The following ZSCAN5A variants were observed in gnomAD, a reference collection of about 807,000 sequenced individuals.
The protein encoded by ZSCAN5A is zinc finger and SCAN domain-containing protein 5A.
In ZSCAN5A, 12 loss-of-function variants were observed where a neutral mutation model predicts 23.7. That is an observed-to-expected ratio of 0.51 (90% CI 0.32 to 0.82). ZSCAN5A has a LOEUF of 0.82. ZSCAN5A is among the 40% of genes least tolerant of loss of function. The probability of loss-of-function intolerance (pLI) is 0.03; values close to 1 mark genes in which losing one functional copy is unlikely to be tolerated. For synonymous variants in ZSCAN5A, 257 were observed against 239.9 expected (o/e 1.07, Z -0.66); for missense variants, 597 against 617.9 (o/e 0.97, Z 0.36).
At chr19:56,265,053 C>T (rs1335845112) in intron 2 of ZSCAN5A, among the ~76,000 whole-genome samples, 9 of 151,908 alleles carry the variant, frequency 5.9e-5, no homozygotes, top group African/African-American at 9.7e-5. Flanking sequence ...ACCTGGGAGG[C>T]GGAGGTTGCA....
chr19:56,318,945 T>A (rs1354013050), upstream of ZSCAN5A, among the ~76,000 whole-genome samples: 2 of 152,160 alleles, frequency 1.3e-5, no homozygotes, highest in African/African-American at 4.8e-5. Context: ...TGGGGCTATT[T>A]AAAGGAGTAT....
chr19:56,265,490 G>A (rs1041168568), intron 2 of ZSCAN5A, among the ~76,000 whole-genome samples: 2 of 151,664 alleles, frequency 1.3e-5, no homozygotes, highest in Non-Finnish European at 2.9e-5. Flanking sequence ...GGAAGACTAT[G>A]TACAGAAGGA....
chr19:56,315,851 G>A (rs769472328), upstream of ZSCAN5A: 2 of 152,226 alleles, frequency 1.3e-5, no homozygotes, highest in African/African-American at 4.8e-5. Context: ...GGGAACCTCA[G>A]AGCAATGGCC....
intron 2 of ZSCAN5A, among the ~76,000 whole-genome samples, chr19:56,331,888 G>C (rs2041493291): frequency 6.6e-6 from 1 of 151,824 alleles, no homozygotes; most frequent in Non-Finnish European, 1.5e-5. Context: ...GCCCAGCCTA[G>C]TATTTCAAAG....
At chr19:56,319,434 T>A (rs2041351014), upstream of ZSCAN5A, among the ~76,000 whole-genome samples, 1 of 138,414 alleles carries the variant, frequency 7.2e-6, no homozygotes, top group South Asian at 2.2e-4. Flanking sequence ...AGGCAGAGGT[T>A]GCAGTGAGCC....
At chr19:56,307,030 A>G (rs927898023) in intron 2 of ZSCAN5A, among the ~76,000 whole-genome samples, 5 of 39,954 alleles carry the variant, frequency 1.3e-4, no homozygotes, top group African/African-American at 5.1e-4. Flanking sequence ...ATCTGCAAAG[A>G]GGGTCCCCCC....
chr19:56,265,024 A>G (rs372451531), intron 2 of ZSCAN5A, among the ~76,000 whole-genome samples: 4 of 152,126 alleles, frequency 2.6e-5, no homozygotes, highest in African/African-American at 9.7e-5. Flanking sequence ...CGGGAGGCTG[A>G]GGCAGGAGAA....
At chr19:56,343,759 C>A (rs987600919) in intron 2 of ZSCAN5A, among the ~76,000 whole-genome samples, 1 of 152,178 alleles carries the variant, frequency 6.6e-6, no homozygotes, top group East Asian at 1.9e-4. Context: ...TTCTTTATAT[C>A]TCTCTTATTT....
chr19:56,348,439 T>C (rs1229581629), intron 2 of ZSCAN5A, among the ~76,000 whole-genome samples: 1 of 152,172 alleles, frequency 6.6e-6, no homozygotes, highest in Non-Finnish European at 1.5e-5. Flanking sequence ...GCCCACATAA[T>C]GTAGCAGAAT....
intron 2 of ZSCAN5A, chr19:56,284,122 C>G: frequency 1.0e-6 from 1 of 983,560 alleles, no homozygotes; most frequent in Non-Finnish European, 1.2e-6. Context: ...TCTTTGTGAC[C>G]TCTTGGGGAC....
chr19:56,366,794 T>C (rs1335897884), intron 1 of ZSCAN5A, among the ~76,000 whole-genome samples: 3 of 152,184 alleles, frequency 2.0e-5, no homozygotes, highest in South Asian at 4.1e-4. Flanking sequence ...TTAATGTGCC[T>C]AAGTTTATAT....
intron 2 of ZSCAN5A, among the ~76,000 whole-genome samples, chr19:56,301,496 G>C (rs1224818980): frequency 6.6e-6 from 1 of 152,110 alleles, no homozygotes; most frequent in African/African-American, 2.4e-5. Flanking sequence ...GGTTTCGGTG[G>C]GTTTTGGCAG....
intron 2 of ZSCAN5A, among the ~76,000 whole-genome samples, chr19:56,230,261 T>C (rs1399390456): frequency 6.6e-6 from 1 of 152,148 alleles, no homozygotes; most frequent in Non-Finnish European, 1.5e-5. Flanking sequence ...AATTTTTCTA[T>C]ACTTAATAGA....
intron 2 of ZSCAN5A, among the ~76,000 whole-genome samples, chr19:56,288,398 C>T (rs2039280619): frequency 6.6e-6 from 1 of 152,206 alleles, no homozygotes; most frequent in African/African-American, 2.4e-5. Flanking sequence ...TCAGACACAA[C>T]ATCACTTCCC....
chr19:56,313,541 CAGAAG>C (rs1454040107), intron 1 of ZSCAN5A, among the ~76,000 whole-genome samples, 157 bp from the exon 2 acceptor site: 1 of 152,192 alleles, frequency 6.6e-6, no homozygotes, highest in Admixed American at 6.5e-5. Context: ...CAAACCATAT[CAGAAG>C]AGAATGCCAA....
chr19:56,275,415 A>T (rs2038173436), intron 2 of ZSCAN5A, among the ~76,000 whole-genome samples: 1 of 152,144 alleles, frequency 6.6e-6, no homozygotes. Flanking sequence ...GTATTTATTT[A>T]TATCAGCGTG....
intron 2 of ZSCAN5A, among the ~76,000 whole-genome samples, chr19:56,234,496 T>C (rs180727352): frequency 2.1e-4 from 31 of 151,136 alleles, no homozygotes; most frequent in Admixed American, 3.3e-4. Context: ...AATACCTGTT[T>C]TAAAAAAAAA....
intron 2 of ZSCAN5A, among the ~76,000 whole-genome samples, chr19:56,294,166 C>T (rs1365256886): frequency 2.0e-5 from 3 of 151,582 alleles, no homozygotes; most frequent in African/African-American, 7.3e-5. Context: ...CCCAGCCCTG[C>T]TCCAGTAACG....
At chr19:56,252,100 T>C (rs1483433551) in intron 2 of ZSCAN5A, among the ~76,000 whole-genome samples, 4 of 152,190 alleles carry the variant, frequency 2.6e-5, no homozygotes, top group African/African-American at 7.2e-5. Flanking sequence ...TGGGAATCCA[T>C]TGACAAATTT....
Sources: allele counts gnomAD v4.1 joint callset (sites outside exome capture counted in the v4.1 genomes callset), GRCh38; gene constraint gnomAD v4.1.1; transcripts MANE v1.5; gene names NCBI Gene and HGNC (gene_info 2026-07-23, HGNC 2026-07-21).